The following POLR3H variants were observed in gnomAD, a reference collection of about 807,000 sequenced individuals.
POLR3H encodes the protein DNA-directed RNA polymerase III subunit RPC8.
In POLR3H, 17 loss-of-function variants were observed where a neutral mutation model predicts 25.5. The ratio of observed to expected loss-of-function variants is 0.67; its 90% CI spans 0.46 to 1.00. The LOEUF is 1.00. POLR3H is among the 50% of genes least tolerant of loss of function. POLR3H has a pLI of 0.00. For synonymous variants in POLR3H, 129 were observed against 103.0 expected (o/e 1.25, Z -1.53); for missense variants, 274 against 265.0 (o/e 1.03, Z -0.24).
At chr22:41,533,589 G>A (rs1178957509) in intron 2 of POLR3H, 16 of 1,298,670 alleles carry the variant, frequency 1.2e-5, no homozygotes, top group African/African-American at 3.0e-5. Flanking sequence ...AGGCTTCCAC[G>A]ATGCCGTCAA....
chr22:41,533,637 G>A (rs2145550882), intron 2 of POLR3H: 3 of 1,303,888 alleles, frequency 2.3e-6, no homozygotes, highest in African/African-American at 1.5e-5. Context: ...GGACGGCAGG[G>A]ACCCTGGCAT....
At chr22:41,533,814 C>G in intron 2 of POLR3H, 1 of 771,174 alleles carries the variant, frequency 1.3e-6, no homozygotes, top group Non-Finnish European at 1.9e-6. Flanking sequence ...CCCTGTCCCC[C>G]ACATGGCCCA....
intron 2 of POLR3H, chr22:41,533,428 T>G (rs2066782834): frequency 1.4e-5 from 14 of 982,250 alleles, no homozygotes; most frequent in Non-Finnish European, 1.8e-5. Flanking sequence ...ACCAACAGAG[T>G]TCCCACCGTG....
In POLR3H at chr22:41,536,320, G is replaced by A. The variant is rs530966591; in HGVS notation, c.209-3575C>T. On this transcript the variant is annotated intron_variant, in intron 2 of 5. Coordinates refer to ENST00000355209, the MANE Select transcript of POLR3H (RefSeq NM_001018050.4). Reference sequence around the variant, plus strand: ...TGAGGCAGGAGAATGGCGTGAACCCGGGCGGCGGAGCTTGCAGTGAGCCGA... The same window carrying A: ...TGAGGCAGGAGAATGGCGTGAACCCAGGCGGCGGAGCTTGCAGTGAGCCGA... 1.9e-4 allele frequency among the ~76,000 whole-genome samples: 29 copies of A among 151,548 alleles called. No individual in the cohort carries two copies. The South Asian group carries it at 5.6e-3, about 30-fold the overall frequency.
rs1392332445 is a variant in POLR3H, at chr22:41,544,106, G to T, written c.-5C>A. On this transcript the variant is annotated 5_prime_UTR_variant, in exon 1 of 6. Coordinates refer to ENST00000355209, the MANE Select transcript of POLR3H (RefSeq NM_001018050.4). ...CATTTCCACCAGGACGAACATCCCG[G>T]CCTGCGCTGGGGGCTCTGGGAACAG... 6.3e-7 allele frequency: 1 copy of T among 1,594,924 alleles called. No individual in the cohort carries two copies. Among genetic ancestry groups the T allele is most frequent in the Non-Finnish European group, 8.6e-7 (1 of 1,163,094 alleles).
At chr22:41,532,024 AG>A (rs2066745405) in intron 4 of POLR3H, 69 bp downstream of exon 4, 1 of 1,416,246 alleles carries the variant, frequency 7.1e-7, no homozygotes, top group African/African-American at 1.4e-5. Flanking sequence ...GGCCACCCTA[AG>A]GAGTGGGGAC....
At chr22:41,535,422 T>G (rs898405465) in intron 2 of POLR3H, among the ~76,000 whole-genome samples, 1 of 151,630 alleles carries the variant, frequency 6.6e-6, no homozygotes, top group African/African-American at 2.4e-5. Context: ...GCCAGGAGAG[T>G]GCTGGATCTG....
chr22:41,536,178 G>A (rs891629012), intron 2 of POLR3H, among the ~76,000 whole-genome samples: 1 of 150,632 alleles, frequency 6.6e-6, no homozygotes, highest in Admixed American at 6.6e-5. Flanking sequence ...GGATCACGAG[G>A]TCAGGAGATC....
intron 2 of POLR3H, chr22:41,539,500 C>T (rs2066898329): frequency 6.6e-6 from 1 of 152,570 alleles, no homozygotes; most frequent in African/African-American, 2.4e-5. Context: ...ACTGGTGGTC[C>T]TGGCTCCTCT....
At chr22:41,529,695 C>T (rs758371773) in intron 5 of POLR3H, 3 of 578,552 alleles carry the variant, frequency 5.2e-6, no homozygotes, top group Non-Finnish European at 9.9e-6. Context: ...CCACTCTTCC[C>T]CGGAGCCCTC....
Position 41,544,066 on chromosome 22 carries a change from C to T in POLR3H, c.36G>A (p.Arg12=), listed in dbSNP as rs2145579583. The T allele has an allele frequency of 6.2e-7, 1 of 1,612,520 alleles. No homozygotes were observed. The highest frequency in any genetic ancestry group is 8.5e-7 in the Non-Finnish European group (1 of 1,179,014). The change falls in exon 1 of 6, where the codon CGG becomes CGA. Residue 12 remains arginine (R), a synonymous_variant. Transcript: ENST00000355209. Reference sequence around the variant, plus strand: ...TCCTCTCAAACTGCCAAGGGGGGATCCGGACGGTGTCCACCATTTCCACCA... The same window carrying T: ...TCCTCTCAAACTGCCAAGGGGGGATTCGGACGGTGTCCACCATTTCCACCA... ...FVLVEMVDTV[R]IPPWQFERKL... is the part of the protein sequence containing the mutation.
In POLR3H at chr22:41,537,965, A is replaced by AT. The variant is rs564442384; in HGVS notation, c.208+2733dup. On this transcript the variant is annotated intron_variant, in intron 2 of 5. Coordinates refer to ENST00000355209, the MANE Select transcript of POLR3H (RefSeq NM_001018050.4). ...GTGTGTACACCACCAGACCTGGCTA[A>AT]TTTTTTTTTTTTTTTTTTGAGATAC... Among the ~76,000 whole-genome samples the AT allele has an allele frequency of 0.015, 1,970 of 127,720 alleles. 79 individuals are homozygous for AT. In the East Asian group the frequency reaches 0.16, roughly 11 times the overall value. 83.8% of individuals were successfully genotyped at this position (127,720 alleles called of 152,430 possible).
rs768541455 is a variant in POLR3H at position 41,527,292 on chromosome 22, A to G, written c.*1991T>C. 5.0e-6 allele frequency: 8 copies of G among 1,614,030 alleles called. No individual in the cohort carries two copies. The Admixed American group carries it at 1.0e-4, about 20-fold the overall frequency. ...TTACCCCCGCTTGCCTGACAGAAAC[A>G]TGGCATCAGGTGGGTGGTGATCGGA... On this transcript the variant is annotated 3_prime_UTR_variant, in exon 6 of 6. Transcript: ENST00000355209.
Position 41,528,431 on chromosome 22 carries a change from G to A in POLR3H, c.*852C>T, listed in dbSNP as rs771766674. On this transcript the variant is annotated 3_prime_UTR_variant, in exon 6 of 6. Transcript: ENST00000355209. ...TCCCTGACCCCCCTGCGGGGCCAAG[G>A]GCACACAGTACCCACCACTTCCACC... The A allele has an allele frequency of 6.3e-7, 1 of 1,599,818 alleles. No homozygotes were observed.
In POLR3H at chr22:41,528,484, G is replaced by C. The variant is rs756738870; in HGVS notation, c.*799C>G. 15 of 1,612,068 alleles carry C rather than the reference G, an allele frequency of 9.3e-6. No individual in the cohort carries two copies. Among genetic ancestry groups the C allele is most frequent in the African/African-American group, 6.7e-5 (5 of 74,848 alleles). ...CACCCACCTTCTCCTTGCAGCCCCT[G>C]AAGTGCATCATCAAGCACCCCAACG... is the stretch of plus-strand genomic sequence containing the variant. On this transcript the variant is annotated 3_prime_UTR_variant, in exon 6 of 6. Transcript: ENST00000355209.
chr22:41,533,612 C>T, intron 2 of POLR3H: 1 of 1,302,244 alleles, frequency 7.7e-7, no homozygotes, highest in Non-Finnish European at 1.0e-6. Flanking sequence ...ATTTAGTCGG[C>T]CAACATGCCC....
Position 41,526,080 on chromosome 22 carries a change from G to A in POLR3H, c.*3203C>T. ...TTGAGGGGATGAAGGCCTGGCCTGA[G>A]CCCATGTGGCCTTAGGGTGGAAGCA... On this transcript the variant is annotated 3_prime_UTR_variant, in exon 6 of 6. Transcript: ENST00000355209. 1.7e-6 allele frequency: 1 copy of A among 579,692 alleles called. No individual in the cohort carries two copies. The highest frequency in any genetic ancestry group is 3.0e-6 in the Non-Finnish European group (1 of 328,752). 35.9% of individuals were successfully genotyped at this position (579,692 alleles called of 1,614,324 possible).
At position 41,528,305 on chromosome 22, in the gene POLR3H, C is replaced by T. The variant is rs2066646750; in HGVS notation, c.*978G>A. 8.1e-6 allele frequency: 8 copies of T among 984,142 alleles called. No individual in the cohort carries two copies. The South Asian group carries it at 1.4e-4, about 17-fold the overall frequency. 61.0% of individuals were successfully genotyped at this position (984,142 alleles called of 1,614,324 possible). On this transcript the variant is annotated 3_prime_UTR_variant, in exon 6 of 6. Transcript: ENST00000355209. ...AGGACCCTCTGGGCCCCAGGAATCC[C>T]CTGTAGGTGCCACCTGGGTCTGACC... is the stretch of plus-strand genomic sequence containing the variant.
At chr22:41,542,643 C>G (rs1187804650) in intron 1 of POLR3H, among the ~76,000 whole-genome samples, 2 of 152,132 alleles carry the variant, frequency 1.3e-5, no homozygotes, top group African/African-American at 2.4e-5. Flanking sequence ...AACTGTGGAC[C>G]CTTCTCATTC....
Sources: allele counts gnomAD v4.1 joint callset (sites outside exome capture counted in the v4.1 genomes callset), GRCh38; gene constraint gnomAD v4.1.1; transcripts MANE v1.5; gene names NCBI Gene and HGNC (gene_info 2026-07-23, HGNC 2026-07-21).